Variants in FBN1 observed in about 807,000 individuals in gnomAD.
FBN1 encodes fibrillin 1, also known as fibrillin-1.
A neutral mutation model predicts 365.1 loss-of-function variants in FBN1; 29 were observed. The observed-to-expected ratio is 0.08, with a 90% CI of 0.06 to 0.11. The LOEUF is 0.11. Among genes scored for constraint, FBN1 ranks in the 10% least tolerant of loss-of-function variants. The probability of loss-of-function intolerance (pLI) is 1.00; values close to 1 mark genes in which losing one functional copy is unlikely to be tolerated. For missense variants in FBN1, 2,476 were observed against 3,703.2 expected (o/e 0.67, Z 8.60); for synonymous variants, 1,210 against 1,270.5 (o/e 0.95, Z 1.01).
At chr15:48,509,053 C>T (rs1238415028) in intron 14 of FBN1, among the ~76,000 whole-genome samples, 1 of 152,186 alleles carries the variant, frequency 6.6e-6, no homozygotes, top group Non-Finnish European at 1.5e-5. Context: ...ATTTATTTCA[C>T]AGATTCATAT....
intron 6 of FBN1, among the ~76,000 whole-genome samples, chr15:48,548,358 T>C (rs527574753): frequency 6.6e-6 from 1 of 152,172 alleles, no homozygotes; most frequent in South Asian, 2.1e-4. Context: ...TTGGAATTAA[T>C]AGTTATTTCC....
intron 6 of FBN1, among the ~76,000 whole-genome samples, chr15:48,587,596 C>T (rs940336701): frequency 4.6e-5 from 7 of 152,334 alleles, no homozygotes; most frequent in African/African-American, 1.7e-4. Flanking sequence ...TAAATCTGTA[C>T]TAACTCTTCC....
chr15:48,457,089 TA>T (rs2043246608), intron 43 of FBN1, among the ~76,000 whole-genome samples: 1 of 152,002 alleles, frequency 6.6e-6, no homozygotes, highest in Non-Finnish European at 1.5e-5. Context: ...TGGTCAAGGG[TA>T]AACAGCCTCT....
At chr15:48,612,942 A>G in intron 3 of FBN1, 68 bp downstream of exon 3, 1 of 1,161,350 alleles carries the variant, frequency 8.6e-7, no homozygotes, top group Non-Finnish European at 1.3e-6. Flanking sequence ...GCCACATTCT[A>G]AGGCTCCCCA....
intron 14 of FBN1, among the ~76,000 whole-genome samples, chr15:48,509,538 A>G (rs916964055): frequency 1.4e-5 from 2 of 148,140 alleles, no homozygotes; most frequent in African/African-American, 4.9e-5. Flanking sequence ...AATATTATCT[A>G]TTACATATTC....
intron 2 of FBN1, among the ~76,000 whole-genome samples, chr15:48,625,016 G>A (rs926377779): frequency 2.0e-5 from 3 of 152,194 alleles, no homozygotes; most frequent in African/African-American, 7.2e-5. Flanking sequence ...GAAGAGACAG[G>A]AAAATCAGCC....
At chr15:48,436,881 T>C (rs2043076012) in intron 53 of FBN1, 80 bp downstream of exon 53, 2 of 878,278 alleles carry the variant, frequency 2.3e-6, no homozygotes, top group South Asian at 2.6e-5. Flanking sequence ...TTGGTACCTA[T>C]ATTCATGGCT....
intron 8 of FBN1, among the ~76,000 whole-genome samples, chr15:48,531,494 T>A (rs2043972798): frequency 6.6e-6 from 1 of 152,276 alleles, no homozygotes; most frequent in African/African-American, 2.4e-5. Context: ...GGAAGCTACC[T>A]TTAAAAAGCC....
chr15:48,480,419 G>A (rs565551046), intron 32 of FBN1, among the ~76,000 whole-genome samples: 1 of 152,096 alleles, frequency 6.6e-6, no homozygotes, highest in South Asian at 2.1e-4. Flanking sequence ...TGTACCGAGA[G>A]GCCGTATAGG....
Position 48,499,070 on chromosome 15 carries a change from C to T in FBN1, c.2114-32G>A, listed in dbSNP as rs1302985030. ...TAAATTAACAGATAGTAAATGATTC[C>T]CTTGTTTGCAGAACAGGTAGATCCT... On this transcript the variant is annotated intron_variant, in intron 17 of 65. Coordinates refer to ENST00000316623, the MANE Select transcript of FBN1 (RefSeq NM_000138.5). 3 of 1,610,944 alleles carry T rather than the reference C, an allele frequency of 1.9e-6. No individual in the cohort carries two copies. In the South Asian group the frequency reaches 3.3e-5, roughly 18 times the overall value.
chr15:48,560,452 A>T (rs1264949297), intron 6 of FBN1, among the ~76,000 whole-genome samples: 1 of 152,188 alleles, frequency 6.6e-6, no homozygotes, highest in Non-Finnish European at 1.5e-5. Context: ...GGGTGCTCAA[A>T]GAGCAGTTGC....
intron 9 of FBN1, 152 bp from the exon 10 acceptor site, chr15:48,520,969 CA>C: frequency 9.6e-7 from 1 of 1,037,396 alleles, no homozygotes; most frequent in Non-Finnish European, 1.4e-6. Context: ...GCGAGCGCTG[CA>C]CAGGAACAGT....
chr15:48,528,226 G>A (rs1235342611), intron 8 of FBN1, among the ~76,000 whole-genome samples: 1 of 152,166 alleles, frequency 6.6e-6, no homozygotes, highest in African/African-American at 2.4e-5. Context: ...TATCTAAAAG[G>A]TTTAAATGAC....
intron 6 of FBN1, among the ~76,000 whole-genome samples, chr15:48,587,556 C>T (rs2044447099): frequency 6.6e-6 from 1 of 152,180 alleles, no homozygotes; most frequent in African/African-American, 2.4e-5. Flanking sequence ...CAGCAGGGTC[C>T]TCCCTTTTCC....
At chr15:48,441,870 C>T (rs200064917) in intron 49 of FBN1, 24 bp from the exon 50 acceptor site, 5 of 1,612,224 alleles carry the variant, frequency 3.1e-6, no homozygotes, top group Non-Finnish European at 4.2e-6. Context: ...ATGAGTCAAA[C>T]AAAGTCAAAA....
intron 8 of FBN1, among the ~76,000 whole-genome samples, chr15:48,527,642 C>G (rs921354552): frequency 5.3e-5 from 8 of 152,234 alleles, no homozygotes; most frequent in Admixed American, 5.2e-4. Flanking sequence ...ATTCAAGTAT[C>G]TTCTGACTCA....
chr15:48,592,937 A>G (rs538726588), intron 6 of FBN1, among the ~76,000 whole-genome samples: 19 of 152,168 alleles, frequency 1.2e-4, no homozygotes, highest in Non-Finnish European at 7.3e-5. Context: ...GGGTGTAGAG[A>G]AACAATGGTA....
At chr15:48,547,721 T>TCTCA (rs2044105775) in intron 6 of FBN1, among the ~76,000 whole-genome samples, 1 of 131,140 alleles carries the variant, frequency 7.6e-6, no homozygotes, top group African/African-American at 2.8e-5. Flanking sequence ...CTTCTCTCTT[T>TCTCA]CACACACACA....
chr15:48,625,520 C>T (rs1300436325), intron 2 of FBN1, among the ~76,000 whole-genome samples: 1 of 152,080 alleles, frequency 6.6e-6, no homozygotes, highest in Non-Finnish European at 1.5e-5. Context: ...TTCTGGACCC[C>T]CTGCATGAGA....
Sources: gnomAD v4.1 joint callset for allele counts (sites outside exome capture counted in the v4.1 genomes callset) on GRCh38, gnomAD v4.1.1 for gene constraint, MANE v1.5 for transcripts, NCBI Gene and HGNC (gene_info 2026-07-23, HGNC 2026-07-21) for gene names.